COPB1: variants seen among roughly 807,000 people sequenced by gnomAD.
The protein encoded by COPB1 is coatomer subunit beta.
A neutral mutation model predicts 108.7 loss-of-function variants in COPB1; 21 were observed. The observed-to-expected ratio is 0.19, with a 90% CI of 0.14 to 0.28. The LOEUF (loss-of-function observed/expected upper bound fraction) is 0.28, where lower values mean the gene tolerates loss of function less well. Among genes scored for constraint, COPB1 ranks in the 10% least tolerant of loss-of-function variants. The pLI, the probability that COPB1 is intolerant of heterozygous loss-of-function variation, is 1.00. For missense variants in COPB1, 919 were observed against 1,141.3 expected, an observed-to-expected ratio of 0.81 and a Z score of 2.81; for synonymous variants, 378 against 386.8, an observed-to-expected ratio of 0.98 and a Z score of 0.27.
Position 14,457,780 on chromosome 11 carries a change from A to C in COPB1, c.*44T>G. 8.0e-6 allele frequency: 10 copies of C among 1,243,964 alleles called. No homozygotes were observed. Among genetic ancestry groups the C allele is most frequent in the South Asian group, 1.2e-5 (1 of 82,538 alleles). The allele number at this position is 1,243,964 out of a possible 1,614,324, so 77.1% of individuals were successfully genotyped here. ...AAAGATGTTGGAGTCCAGTAAGCCC[A>C]TACCTAAATTAACTGTAAAGCTTCA... On this transcript the variant is annotated 3_prime_UTR_variant, in exon 22 of 22. Coordinates refer to ENST00000439561, the MANE Select transcript of COPB1 (RefSeq NM_001144061.2).
intron 2 of COPB1, among the ~76,000 whole-genome samples, chr11:14,495,986 T>C (rs1260596928): frequency 6.6e-6 from 1 of 152,224 alleles, no homozygotes; most frequent in African/African-American, 2.4e-5. Context: ...ACTGGGTTTC[T>C]TTTCCCTTCT....
At chr11:14,477,755 G>A (rs1850559687) in intron 11 of COPB1, among the ~76,000 whole-genome samples, 1 of 152,010 alleles carries the variant, frequency 6.6e-6, no homozygotes, top group South Asian at 2.1e-4. Context: ...AAAATTTGCT[G>A]GATGCAGTGG....
At chr11:14,460,383 G>A in intron 19 of COPB1, 86 bp from the exon 20 acceptor site, 2 of 790,004 alleles carry the variant, frequency 2.5e-6, no homozygotes, top group Non-Finnish European at 4.1e-6. Flanking sequence ...TTAAAAACTT[G>A]TTCCAACTGT....
Position 14,484,808 on chromosome 11 carries a change from A to C in COPB1, c.837+1559T>G, listed in dbSNP as rs949521903. Reference sequence around the variant, plus strand: ...AAGTTTAAAATTATTTCAAAATCAAAAATTAAAAAAAGTTCAAGTTTTGGG... The same window carrying C: ...AAGTTTAAAATTATTTCAAAATCAACAATTAAAAAAAGTTCAAGTTTTGGG... On this transcript the variant is annotated intron_variant, in intron 7 of 21. Coordinates refer to ENST00000439561, the MANE Select transcript of COPB1 (RefSeq NM_001144061.2). 2.6e-5 allele frequency among the ~76,000 whole-genome samples: 4 copies of C among 152,232 alleles called. No homozygotes were observed. The South Asian group carries it at 8.3e-4, about 32-fold the overall frequency.
Position 14,461,249 on chromosome 11 carries a change from C to G in COPB1, c.2493G>C (p.Gln831His). 6.2e-7 allele frequency: 1 copy of G among 1,614,152 alleles called. No individual in the cohort carries two copies. The highest frequency in any genetic ancestry group is 2.2e-5 in the East Asian group (1 of 44,876). ...DIHIDIMDYI[Q>H]PATCTDAEFR... The stretch of plus-strand genomic sequence containing the variant: ...ATTCTGCATCAGTGCAAGTTGCAGG[C>G]TGGATATAGTCCATGATGTCGATGT... Residue 831 changes from glutamine (Q) to histidine (H), a missense_variant, in exon 19 of 22, where the codon CAG (glutamine) becomes CAC (histidine). Coordinates refer to ENST00000439561, the MANE Select transcript of COPB1 (RefSeq NM_001144061.2).
At chr11:14,479,397 C>T (rs1850607279) in intron 11 of COPB1, among the ~76,000 whole-genome samples, 172 bp downstream of exon 11, 1 of 152,064 alleles carries the variant, frequency 6.6e-6, no homozygotes, top group African/African-American at 2.4e-5. Context: ...TTATTTTGGG[C>T]CATTTATTAT....
chr11:14,464,331 T>C (rs1850229682), intron 18 of COPB1, among the ~76,000 whole-genome samples: 1 of 152,252 alleles, frequency 6.6e-6, no homozygotes. Context: ...CTTATTTTTT[T>C]CTTTCACAGT....
chr11:14,495,985 C>A (rs1851009212), intron 2 of COPB1, among the ~76,000 whole-genome samples: 2 of 152,134 alleles, frequency 1.3e-5, no homozygotes, highest in South Asian at 4.1e-4. Context: ...AACTGGGTTT[C>A]TTTTCCCTTC....
Position 14,458,583 on chromosome 11 carries a change from C to G in COPB1, c.2751G>C (p.Gln917His), listed in dbSNP as rs200966318. The part of the protein sequence containing the change: ...ANVSIEKPIH[Q>H]GPDAAVTGHI... ...GGCCGGTAACAGCAGCATCTGGTCC[C>G]TGGTGAATTGGCTTCTCAATGCTGA... Residue 917 changes from glutamine (Q) to histidine (H), a missense_variant, in exon 21 of 22, where the codon CAG becomes CAC. Around this residue, in one of 5 missense-constraint regions of COPB1, gnomAD observed 705 missense variants for 817.8 expected, o/e 0.86. Transcript: ENST00000439561. 1.2e-6 allele frequency: 2 copies of G among 1,613,706 alleles called. No homozygotes were observed. Among genetic ancestry groups the G allele is most frequent in the East Asian group, 4.5e-5 (2 of 44,850 alleles).
chr11:14,488,879 C>T (rs908826449), intron 5 of COPB1, among the ~76,000 whole-genome samples: 2 of 152,150 alleles, frequency 1.3e-5, no homozygotes, highest in African/African-American at 2.4e-5. Context: ...ACAATCAAAA[C>T]CAGCTGCTTA....
At position 14,458,602 on chromosome 11, in the gene COPB1, A is replaced by G. The variant is rs760575545; in HGVS notation, c.2732T>C (p.Ile911Thr). ...TGGTCCCTGGTGAATTGGCTTCTCAATGCTGACATTTGCAAGTGCATCTTC... is the reference window on the plus strand; with the variant it reads ...TGGTCCCTGGTGAATTGGCTTCTCAGTGCTGACATTTGCAAGTGCATCTTC... ...FGEDALANVS[I>T]EKPIHQGPDA... Residue 911 changes from isoleucine to threonine, a missense_variant, in exon 21 of 22, where the codon ATT becomes ACT. Around this residue, in one of 5 missense-constraint regions of COPB1, gnomAD observed 705 missense variants for 817.8 expected, o/e 0.86. Transcript: ENST00000439561. 1.2e-6 allele frequency: 2 copies of G among 1,613,914 alleles called. No individual in the cohort carries two copies. The highest frequency in any genetic ancestry group is 1.7e-6 in the Non-Finnish European group (2 of 1,179,938).
In COPB1 at chr11:14,463,296, T is replaced by C. The variant is rs112992361; in HGVS notation, c.2410+1615A>G. Among the ~76,000 whole-genome samples, 1,040 of 152,258 alleles carry C rather than the reference T, an allele frequency of 6.8e-3. 15 individuals are homozygous for C. The highest frequency in any genetic ancestry group is 0.024 in the African/African-American group (1,005 of 41,538). ...TCTATTCCTATGGCTTTTAAACAAA[T>C]ACTTATCTCTAGTTTATTTTTACTT... On this transcript the variant is annotated intron_variant, in intron 18 of 21. Coordinates refer to ENST00000439561, the MANE Select transcript of COPB1 (RefSeq NM_001144061.2).
At position 14,476,936 on chromosome 11, in the gene COPB1, G is replaced by T; in HGVS notation, c.1438C>A (p.Arg480Ser). The T allele has an allele frequency of 6.2e-7, 1 of 1,607,280 alleles. No homozygotes were observed. Among genetic ancestry groups the T allele is most frequent in the Non-Finnish European group, 8.5e-7 (1 of 1,173,940 alleles). The change falls in exon 12 of 22, where the codon CGC (arginine) becomes AGC (serine). Residue 480 changes from arginine (R) to serine (S), a missense_variant. By Grantham distance (110) the Arg-to-Ser change is moderately radical (BLOSUM62 -1). This residue lies in a region of COPB1 where 705 missense variants were observed against 817.8 expected (regional missense o/e 0.86). Transcript: ENST00000439561. ...EDIQSVMTEI[R>S]RSLGEIPIVE... ...AAACATACCTCTCCAAGGGACCTGC[G>T]GATCTCAGTCATCACACTCTGAATG...
At chr11:14,491,022 C>T (rs985954828) in intron 4 of COPB1, among the ~76,000 whole-genome samples, 1 of 152,004 alleles carries the variant, frequency 6.6e-6, no homozygotes, top group African/African-American at 2.4e-5. Context: ...AACTCCTGAC[C>T]TCATGATTTG....
At chr11:14,474,421 T>TC in intron 14 of COPB1, 74 bp downstream of exon 14, 1 of 1,353,202 alleles carries the variant, frequency 7.4e-7, no homozygotes, top group South Asian at 1.4e-5. Flanking sequence ...AATTTTTGAG[T>TC]CCCTCACTGT....
chr11:14,468,897 GAA>G (rs1234044768), intron 15 of COPB1, 37 bp from the exon 16 acceptor site: 3 of 1,558,602 alleles, frequency 1.9e-6, no homozygotes, highest in African/African-American at 1.4e-5. Flanking sequence ...TCTTTAATAT[GAA>G]AAGATAGTTT....
At chr11:14,487,350 C>T (rs562290699) in intron 6 of COPB1, among the ~76,000 whole-genome samples, 40 of 152,192 alleles carry the variant, frequency 2.6e-4, no homozygotes, top group African/African-American at 9.6e-4. Context: ...TTTTGAGAAC[C>T]TCAGTGGTAT....
chr11:14,462,232 TC>T, intron 18 of COPB1, among the ~76,000 whole-genome samples: 1 of 150,676 alleles, frequency 6.6e-6, no homozygotes, highest in African/African-American at 2.4e-5. Flanking sequence ...TCTTTTCTTT[TC>T]TTTTTTTTTT....
intron 15 of COPB1, 137 bp from the exon 16 acceptor site, chr11:14,468,997 T>C: frequency 2.7e-6 from 2 of 744,966 alleles, no homozygotes; most frequent in Non-Finnish European, 4.3e-6. Context: ...CACTTTTCTT[T>C]TCTTTTTTTT....
Sources: gnomAD v4.1 joint callset for allele counts (sites outside exome capture counted in the v4.1 genomes callset) on GRCh38, gnomAD v4.1.1 for gene constraint, gnomAD v4.1.1 regional missense constraint, MANE v1.5 for transcripts, NCBI Gene and HGNC (gene_info 2026-07-23, HGNC 2026-07-21) for gene names.